The following TEX9 variants were observed in gnomAD, a reference collection of about 807,000 sequenced individuals.
TEX9 encodes testis expressed 9.
A neutral mutation model predicts 59.6 loss-of-function variants in TEX9; 74 were observed. That is an observed-to-expected ratio of 1.24 (90% confidence interval 1.03 to 1.51). The LOEUF is 1.51. TEX9 is among the 40% of genes most tolerant of loss of function. The pLI is 0.00. For synonymous variants in TEX9, 186 were observed against 152.2 expected, an observed-to-expected ratio of 1.22 and a Z score of -1.64; for missense variants, 522 against 447.8, an observed-to-expected ratio of 1.17 and a Z score of -1.49.
intron 9 of TEX9, among the ~76,000 whole-genome samples, chr15:56,402,375 T>C (rs1434226374): frequency 1.3e-5 from 2 of 152,138 alleles, no homozygotes; most frequent in African/African-American, 4.8e-5. Context: ...ACAGATAAAC[T>C]AGAAAATCTA....
chr15:56,370,402 C>G, intron 2 of TEX9, among the ~76,000 whole-genome samples: 1 of 151,938 alleles, frequency 6.6e-6, no homozygotes. Context: ...ATTCAATTTC[C>G]TCCTTCCTGA....
chr15:56,431,579 G>C lies in TEX9; in HGVS notation c.*29+3106G>C. 6.4e-6 allele frequency: 9 copies of C among 1,407,400 alleles called. No individual in the cohort carries two copies. In the South Asian group the frequency reaches 1.0e-4, roughly 16 times the overall value. 87.2% of individuals were successfully genotyped at this position (1,407,400 alleles called of 1,614,324 possible). On this transcript the variant is annotated intron_variant, in intron 12 of 12. Coordinates refer to ENST00000352903, the Ensembl canonical transcript of TEX9. ...TTTCAAATAAAACTACTCATGCAAT[G>C]AATTAGATAAAATTGATGAACTATT...
chr15:56,246,226 C>T (rs1192691539), intron 1 of TEX9, among the ~76,000 whole-genome samples: 1 of 152,220 alleles, frequency 6.6e-6, no homozygotes, highest in Non-Finnish European at 1.5e-5. Context: ...GGGCTGCCCT[C>T]TAGCGGCGGT....
intron 12 of TEX9, among the ~76,000 whole-genome samples, chr15:56,432,823 C>T (rs868375221): frequency 5.3e-5 from 8 of 152,262 alleles, no homozygotes; most frequent in Middle Eastern, 3.4e-3. Flanking sequence ...ATATTTGAAA[C>T]ATCTGCATTA....
intron 10 of TEX9, chr15:56,421,733 T>TG: frequency 6.6e-6 from 1 of 151,838 alleles, no homozygotes; most frequent in South Asian, 2.1e-4. Context: ...TTTTTGTTCT[T>TG]GCGATAGTTT....
chr15:56,401,573 A>C (rs944279503), intron 9 of TEX9, among the ~76,000 whole-genome samples: 1 of 152,220 alleles, frequency 6.6e-6, no homozygotes, highest in Non-Finnish European at 1.5e-5. Context: ...TGTCAGTATT[A>C]GATTAATGAG....
chr15:56,378,246 A>G (rs570873277), intron 3 of TEX9, among the ~76,000 whole-genome samples: 1 of 152,128 alleles, frequency 6.6e-6, no homozygotes, highest in Admixed American at 6.5e-5. Flanking sequence ...ATGAGTTTGG[A>G]AGTATTCCCT....
chr15:56,388,482 C>G, exon 5 of TEX9: 3 of 1,611,056 alleles, frequency 1.9e-6, no homozygotes, highest in Non-Finnish European at 2.5e-6. Flanking sequence ...AGGTCTGTTA[C>G]CATCTGAAGG....
rs1371171658 is a variant in TEX9, at chr15:56,423,670, C to T, written c.964-3935C>T. On this transcript the variant is annotated intron_variant, in intron 10 of 12. Transcript: ENST00000352903. ...GAACGTCTGTACCCATTCACAGCCA[C>T]TCTATATTCCCCCAACACCCTGCAC... 2.0e-5 allele frequency among the ~76,000 whole-genome samples: 3 copies of T among 152,110 alleles called. No individual in the cohort carries two copies. The East Asian group carries it at 5.8e-4, about 29-fold the overall frequency.
At chr15:56,301,492 A>C (rs1229710617) in intron 1 of TEX9, among the ~76,000 whole-genome samples, 4 of 152,158 alleles carry the variant, frequency 2.6e-5, no homozygotes, top group African/African-American at 9.6e-5. Context: ...AAGGTGTTTA[A>C]TAATCAAACT....
chr15:56,447,807 T>TAGA (rs2050918590), downstream of TEX9: 2 of 152,296 alleles, frequency 1.3e-5, no homozygotes, highest in South Asian at 4.1e-4. Flanking sequence ...ACCTCTCTTC[T>TAGA]ACCCCTTTAT....
At chr15:56,421,601 G>C (rs1243373551) in intron 10 of TEX9, 2 of 151,784 alleles carry the variant, frequency 1.3e-5, no homozygotes, top group East Asian at 3.9e-4. Flanking sequence ...CTCATTAGCA[G>C]CATCTAGTTG....
intron 12 of TEX9, among the ~76,000 whole-genome samples, chr15:56,432,826 C>G (rs1257344224): frequency 1.3e-5 from 2 of 152,128 alleles, no homozygotes; most frequent in African/African-American, 4.8e-5. Flanking sequence ...TTTGAAACAT[C>G]TGCATTATTT....
Position 56,365,570 on chromosome 15 carries a change from C to A in TEX9, c.28-9C>A, listed in dbSNP as rs773676511. 5 of 1,614,092 alleles carry A rather than the reference C, an allele frequency of 3.1e-6. No homozygotes were observed. In the African/African-American group the frequency reaches 6.7e-5, roughly 22 times the overall value. ...ACTTCGGGTCTGAAAGTCTGTGGCTCTTTTACAGAGAAGCAGCGTTCCAGG... is the reference window on the plus strand; with the variant it reads ...ACTTCGGGTCTGAAAGTCTGTGGCTATTTTACAGAGAAGCAGCGTTCCAGG... On this transcript the variant is annotated splice_polypyrimidine_tract_variant and intron_variant, in intron 1 of 12. Transcript: ENST00000352903.
intron 12 of TEX9, among the ~76,000 whole-genome samples, chr15:56,444,938 A>C (rs1455117392): frequency 1.3e-5 from 2 of 152,080 alleles, no homozygotes; most frequent in East Asian, 1.9e-4. Flanking sequence ...ACATTCAAAA[A>C]ACAATGAATA....
At chr15:56,252,825 T>G (rs1182386083) in intron 1 of TEX9, among the ~76,000 whole-genome samples, 8 of 152,190 alleles carry the variant, frequency 5.3e-5, no homozygotes, top group African/African-American at 1.9e-4. Context: ...AGTTCTTTGC[T>G]TCTCTGAGCC....
At chr15:56,425,238 A>G (rs1436671137) in intron 10 of TEX9, among the ~76,000 whole-genome samples, 5 of 152,066 alleles carry the variant, frequency 3.3e-5, no homozygotes, top group African/African-American at 4.8e-5. Context: ...TCCTACTTGG[A>G]GTTCATGGAG....
At chr15:56,433,776 G>A (rs1293254731) in intron 12 of TEX9, among the ~76,000 whole-genome samples, 1 of 152,096 alleles carries the variant, frequency 6.6e-6, no homozygotes, top group Non-Finnish European at 1.5e-5. Flanking sequence ...GGGTGTTCAT[G>A]ATCTGTTTCT....
At chr15:56,252,334 G>A (rs143303877) in intron 1 of TEX9, among the ~76,000 whole-genome samples, 132 of 146,318 alleles carry the variant, frequency 9.0e-4, no homozygotes, top group Admixed American at 1.8e-3. Context: ...CTCCCACAAA[G>A]TAGCCAAACA....
Sources: gnomAD v4.1 joint callset for allele counts (sites outside exome capture counted in the v4.1 genomes callset) on GRCh38, gnomAD v4.1.1 for gene constraint, MANE v1.5 for transcripts, NCBI Gene and HGNC (gene_info 2026-07-23, HGNC 2026-07-21) for gene names.